The following NLGN1 variants were observed in gnomAD, a reference collection of about 807,000 sequenced individuals.
The protein encoded by NLGN1 is neuroligin 1.
Under a neutral mutation model 65.5 loss-of-function variants are expected in NLGN1, and 12 were observed. The observed-to-expected ratio is 0.18, with a 90% CI of 0.12 to 0.30. The LOEUF is 0.30. Among genes scored for constraint, NLGN1 ranks in the 10% least tolerant of loss-of-function variants. The pLI is 1.00. For missense variants in NLGN1, 750 were observed against 1,007.1 expected (o/e 0.74, Z 3.46); for synonymous variants, 350 against 359.5 (o/e 0.97, Z 0.30).
At chr3:174,038,621 T>A (rs2152485395) in intron 4 of NLGN1, among the ~76,000 whole-genome samples, 1 of 152,214 alleles carries the variant, frequency 6.6e-6, no homozygotes, top group Non-Finnish European at 1.5e-5. Context: ...CTACATCTTA[T>A]GGAATATTTA....
chr3:174,052,852 C>A (rs1368839244), intron 4 of NLGN1, among the ~76,000 whole-genome samples: 1 of 151,962 alleles, frequency 6.6e-6, no homozygotes, highest in African/African-American at 2.4e-5. Flanking sequence ...TTGGCTTAAT[C>A]AGTGGATATT....
chr3:173,916,790 C>T (rs1740822709), intron 4 of NLGN1, among the ~76,000 whole-genome samples: 1 of 152,072 alleles, frequency 6.6e-6, no homozygotes, highest in Non-Finnish European at 1.5e-5. Flanking sequence ...GTTAAGGATT[C>T]CTTGAGTCTT....
intron 4 of NLGN1, among the ~76,000 whole-genome samples, chr3:173,980,556 C>CT (rs1718554279): frequency 6.6e-6 from 1 of 151,688 alleles, no homozygotes; most frequent in African/African-American, 2.4e-5. Context: ...GAATATAGTT[C>CT]TTTCTTGTTG....
chr3:173,860,893 G>C (rs998569241), intron 4 of NLGN1, among the ~76,000 whole-genome samples: 1 of 152,192 alleles, frequency 6.6e-6, no homozygotes, highest in Non-Finnish European at 1.5e-5. Context: ...CTCAGTCAGA[G>C]ACAGCATTCA....
intron 4 of NLGN1, among the ~76,000 whole-genome samples, chr3:173,895,291 T>C (rs142557075): frequency 4.6e-5 from 7 of 152,170 alleles, no homozygotes; most frequent in Middle Eastern, 3.4e-3. Flanking sequence ...CTATGCAAGG[T>C]AATATAGTCA....
At chr3:174,053,634 C>T (rs1053648633) in intron 4 of NLGN1, among the ~76,000 whole-genome samples, 1 of 151,910 alleles carries the variant, frequency 6.6e-6, no homozygotes, top group Non-Finnish European at 1.5e-5. Context: ...TAGCATTGAA[C>T]AGTTGTGTCC....
At chr3:173,782,523 G>T (rs1781330320) in intron 3 of NLGN1, among the ~76,000 whole-genome samples, 1 of 152,084 alleles carries the variant, frequency 6.6e-6, no homozygotes, top group South Asian at 2.1e-4. Flanking sequence ...CTCAATAAAA[G>T]CTCCATTTTA....
chr3:173,668,551 T>C (rs983536751), intron 3 of NLGN1, among the ~76,000 whole-genome samples: 1 of 152,100 alleles, frequency 6.6e-6, no homozygotes, highest in Admixed American at 6.6e-5. Context: ...GCTTGGCCAT[T>C]CTTCAGTGTT....
chr3:173,697,787 C>A (rs955657977), intron 3 of NLGN1, among the ~76,000 whole-genome samples: 2 of 152,148 alleles, frequency 1.3e-5, no homozygotes, highest in African/African-American at 4.8e-5. Flanking sequence ...GCCTCGGCCT[C>A]CCAAAGTACT....
At chr3:173,715,159 C>T (rs530536212) in intron 3 of NLGN1, among the ~76,000 whole-genome samples, 2 of 152,178 alleles carry the variant, frequency 1.3e-5, no homozygotes, top group African/African-American at 4.8e-5. Context: ...TGTTTTTTCA[C>T]TTCTTAAAAT....
intron 3 of NLGN1, among the ~76,000 whole-genome samples, chr3:173,656,775 G>T (rs1760110798): frequency 6.6e-6 from 1 of 151,950 alleles, no homozygotes; most frequent in African/African-American, 2.4e-5. Flanking sequence ...GCTTCTCAAA[G>T]GATTGTTATG....
intron 4 of NLGN1, among the ~76,000 whole-genome samples, chr3:174,162,766 A>T (rs199696373): frequency 6.6e-6 from 1 of 150,946 alleles, no homozygotes; most frequent in Admixed American, 6.7e-5. Flanking sequence ...CTTCCCATGG[A>T]TTCCTATCTA....
chr3:173,672,754 T>G (rs563049983), intron 3 of NLGN1, among the ~76,000 whole-genome samples: 1 of 152,366 alleles, frequency 6.6e-6, no homozygotes, highest in East Asian at 1.9e-4. Flanking sequence ...TAACATTTTA[T>G]AATTTTATTC....
chr3:174,157,536 C>G (rs541984983), intron 4 of NLGN1, among the ~76,000 whole-genome samples: 2 of 151,386 alleles, frequency 1.3e-5, no homozygotes, highest in African/African-American at 4.9e-5. Context: ...ACGTAACCCC[C>G]CTCCACCCAA....
At chr3:174,107,017 CAGAGAGAGAG>C (rs71162376) in intron 4 of NLGN1, among the ~76,000 whole-genome samples, 94 of 97,684 alleles carry the variant, frequency 9.6e-4, no homozygotes, top group African/African-American at 3.5e-3. Context: ...CACACACACA[CAGAGAGAGAG>C]AGAGAGAGAG....
intron 3 of NLGN1, among the ~76,000 whole-genome samples, chr3:173,629,624 T>C (rs1755364334): frequency 6.6e-6 from 1 of 152,150 alleles, no homozygotes; most frequent in African/African-American, 2.4e-5. Context: ...AAAGGTTATT[T>C]GACACTTGGA....
chr3:173,462,272 A>G (rs139375541), intron 2 of NLGN1, among the ~76,000 whole-genome samples: 207 of 152,276 alleles, frequency 1.4e-3, no homozygotes, highest in Non-Finnish European at 2.4e-3. Context: ...TTTACATATT[A>G]CATGCTCAAT....
At chr3:174,081,563 C>A (rs1446452145) in intron 4 of NLGN1, among the ~76,000 whole-genome samples, 1 of 151,562 alleles carries the variant, frequency 6.6e-6, no homozygotes. Flanking sequence ...TTACATGTCC[C>A]ACTTCCTAAT....
At chr3:173,530,309 G>A (rs1231904100) in intron 2 of NLGN1, among the ~76,000 whole-genome samples, 1 of 152,106 alleles carries the variant, frequency 6.6e-6, no homozygotes, top group Non-Finnish European at 1.5e-5. Flanking sequence ...CATTCCCACT[G>A]TGACTCTGAG....
Sources: gnomAD v4.1 joint callset for allele counts (sites outside exome capture counted in the v4.1 genomes callset) on GRCh38, gnomAD v4.1.1 for gene constraint, MANE v1.5 for transcripts, NCBI Gene and HGNC (gene_info 2026-07-23, HGNC 2026-07-21) for gene names.